The following TRIM2 variants were observed in gnomAD, a reference collection of about 807,000 sequenced individuals.
The protein encoded by TRIM2 is tripartite motif containing 2.
A neutral mutation model predicts 75.2 loss-of-function variants in TRIM2; 20 were observed. That is an observed-to-expected ratio of 0.27 (90% CI 0.19 to 0.39). The LOEUF is 0.39. TRIM2 is among the 10% of genes least tolerant of loss of function. The pLI is 1.00. For synonymous variants in TRIM2, 373 were observed against 388.3 expected (o/e 0.96, Z 0.46); for missense variants, 660 against 990.8 (o/e 0.67, Z 4.48).
intron 1 of TRIM2, among the ~76,000 whole-genome samples, chr4:153,211,554 C>A (rs1181635573): frequency 6.8e-6 from 1 of 148,028 alleles, no homozygotes; most frequent in Admixed American, 6.8e-5. Context: ...GTGGTGCAAT[C>A]ATGGCTCACT....
chr4:153,180,291 T>G (rs1180216849), intron 1 of TRIM2, among the ~76,000 whole-genome samples: 2 of 152,222 alleles, frequency 1.3e-5, no homozygotes, highest in African/African-American at 4.8e-5. Flanking sequence ...ACATTTCACA[T>G]GCTGTCTCAT....
At chr4:153,249,483 G>T (rs1054981817) in intron 1 of TRIM2, among the ~76,000 whole-genome samples, 21 of 152,264 alleles carry the variant, frequency 1.4e-4, no homozygotes, top group African/African-American at 4.8e-4. Context: ...CATTTGCGAG[G>T]TTCTCTCTGA....
Position 153,335,446 on chromosome 4 carries a change from G to C in TRIM2, c.*480G>C, listed in dbSNP as rs997472511. Reference sequence around the variant, plus strand: ...CTTTTACAGTAGGTATTACTCTTGTGACATTTTTTTGGTTATCAACAACTA... The same window carrying C: ...CTTTTACAGTAGGTATTACTCTTGTCACATTTTTTTGGTTATCAACAACTA... On this transcript the variant is annotated 3_prime_UTR_variant, in exon 12 of 12. Transcript: ENST00000338700. 1 of 985,352 alleles carries C rather than the reference G, an allele frequency of 1.0e-6. No individual in the cohort carries two copies. The highest frequency in any genetic ancestry group is 1.7e-5 in the African/African-American group (1 of 57,236). The allele number at this position is 985,352 out of a possible 1,614,324, so 61.0% of individuals were successfully genotyped here.
intron 1 of TRIM2, among the ~76,000 whole-genome samples, chr4:153,194,172 G>A (rs576633162): frequency 7.5e-4 from 114 of 152,134 alleles, no homozygotes; most frequent in African/African-American, 2.6e-3. Context: ...AAAGAGTGAA[G>A]AAGGAAAGAG....
chr4:153,265,138 C>T (rs1754604272), intron 1 of TRIM2, among the ~76,000 whole-genome samples: 1 of 150,540 alleles, frequency 6.6e-6, no homozygotes, highest in Admixed American at 6.6e-5. Context: ...TTTTTTCTTG[C>T]CAAAAATCCA....
chr4:153,166,539 C>CCTTCCTTCCTTCCTTT (rs1553957725), intron 1 of TRIM2, among the ~76,000 whole-genome samples: 1 of 54,034 alleles, frequency 1.9e-5, no homozygotes, highest in Admixed American at 2.0e-4. Flanking sequence ...CCTTCCTTTT[C>CCTTCCTTCCTTCCTTT]TCTCTCTCTC....
chr4:153,154,915 G>A (rs551072616), intron 1 of TRIM2, among the ~76,000 whole-genome samples: 3 of 152,256 alleles, frequency 2.0e-5, no homozygotes, highest in East Asian at 1.9e-4. Flanking sequence ...CGAGGCAGGC[G>A]GATTACCTGA....
intron 1 of TRIM2, among the ~76,000 whole-genome samples, chr4:153,227,297 G>A (rs1356975179): frequency 1.3e-5 from 2 of 152,186 alleles, no homozygotes; most frequent in Non-Finnish European, 2.9e-5. Context: ...TTCCTAAAAT[G>A]TCCTCTCCTC....
At chr4:153,216,362 T>G (rs1323812455) in intron 1 of TRIM2, among the ~76,000 whole-genome samples, 1 of 152,194 alleles carries the variant, frequency 6.6e-6, no homozygotes, top group East Asian at 1.9e-4. Context: ...TTAATATTAT[T>G]TTAGTACTTA....
intron 1 of TRIM2, among the ~76,000 whole-genome samples, chr4:153,184,356 G>A (rs1463308392): frequency 6.6e-6 from 1 of 152,126 alleles, no homozygotes; most frequent in Non-Finnish European, 1.5e-5. Flanking sequence ...TGGAGAGAGA[G>A]AGAACACATG....
In TRIM2 at chr4:153,336,927, C is replaced by T; in HGVS notation, c.*1961C>T. The T allele has an allele frequency of 6.1e-6, 6 of 984,734 alleles. No individual in the cohort carries two copies. The highest frequency in any genetic ancestry group is 9.4e-5 in the South Asian group (2 of 21,256). The allele number at this position is 984,734 out of a possible 1,614,324, so 61.0% of individuals were successfully genotyped here. A position where few individuals can be genotyped will look rare whatever the true frequency, so the allele number is the denominator to read the frequency against. ...CTTTTTAGAATGTTAAATGAAGACA[C>T]TGTTTCCTAACATCAGTGAGATACA... On this transcript the variant is annotated 3_prime_UTR_variant, in exon 12 of 12. Coordinates refer to ENST00000338700, the MANE Select transcript of TRIM2 (RefSeq NM_015271.5).
chr4:153,303,422 A>G (rs370803662), intron 6 of TRIM2, among the ~76,000 whole-genome samples: 71 of 151,838 alleles, frequency 4.7e-4, no homozygotes, highest in African/African-American at 1.5e-3. Flanking sequence ...GCAGTGAGCC[A>G]AGATCTTGCC....
rs534948024 is a variant in TRIM2 at position 153,249,372 on chromosome 4, C to T, written c.31-20963C>T. Among the ~76,000 whole-genome samples, 7 of 152,332 alleles carry T rather than the reference C, an allele frequency of 4.6e-5. No individual in the cohort carries two copies. In the South Asian group the frequency reaches 6.2e-4, roughly 14 times the overall value. On this transcript the variant is annotated intron_variant, in intron 1 of 11. Coordinates refer to ENST00000338700, the MANE Select transcript of TRIM2 (RefSeq NM_015271.5). ...GGGGTGAAAGCCCCTAGGGCTCCGC[C>T]TGGCATGCGTGGCCGGGGCTGTCTG... is the stretch of plus-strand genomic sequence containing the variant.
chr4:153,246,089 C>T (rs1471185000), intron 1 of TRIM2, among the ~76,000 whole-genome samples: 1 of 152,172 alleles, frequency 6.6e-6, no homozygotes, highest in Non-Finnish European at 1.5e-5. Flanking sequence ...TGGCCCTTTA[C>T]AGAAAAGGTT....
intron 6 of TRIM2, among the ~76,000 whole-genome samples, chr4:153,301,698 T>C (rs1470188807): frequency 6.6e-6 from 1 of 152,254 alleles, no homozygotes; most frequent in African/African-American, 2.4e-5. Context: ...GATTTCATTG[T>C]TCTGCATGTA....
chr4:153,177,356 C>T (rs1339257684), intron 1 of TRIM2, among the ~76,000 whole-genome samples: 1 of 152,176 alleles, frequency 6.6e-6, no homozygotes, highest in African/African-American at 2.4e-5. Flanking sequence ...CCTAGGCCCA[C>T]TTAAAAAACA....
rs373291934 is a variant in TRIM2 at position 153,265,489 on chromosome 4, G to A, written c.31-4846G>A. 1.1e-4 allele frequency among the ~76,000 whole-genome samples: 16 copies of A among 151,972 alleles called. No homozygotes were observed. The East Asian group carries it at 2.3e-3, about 22-fold the overall frequency. On this transcript the variant is annotated intron_variant, in intron 1 of 11. Coordinates refer to ENST00000338700, the MANE Select transcript of TRIM2 (RefSeq NM_015271.5). ...CACCGGAGTAGCTGGGGCTACAGGC[G>A]CCTGCCGCCACGCCTGACTAATTTT...
intron 4 of TRIM2, 39 bp from the exon 5 acceptor site, chr4:153,294,266 G>T: frequency 6.3e-7 from 1 of 1,598,912 alleles, no homozygotes; most frequent in Non-Finnish European, 8.5e-7. Flanking sequence ...ATATTTCTGG[G>T]TTGAGGTTAA....
intron 1 of TRIM2, among the ~76,000 whole-genome samples, chr4:153,191,688 A>T (rs988824852): frequency 6.6e-6 from 1 of 152,192 alleles, no homozygotes; most frequent in African/African-American, 2.4e-5. Flanking sequence ...CTTCATGATG[A>T]TATAGTTCTG....
Sources: allele counts gnomAD v4.1 joint callset (sites outside exome capture counted in the v4.1 genomes callset), GRCh38; gene constraint gnomAD v4.1.1; transcripts MANE v1.5; gene names NCBI Gene and HGNC (gene_info 2026-07-23, HGNC 2026-07-21).